The following MEGF10 variants were observed in gnomAD, a reference collection of about 807,000 sequenced individuals.
MEGF10 encodes multiple epidermal growth factor-like domains protein 10.
MEGF10 carries 86 observed loss-of-function variants against 147.5 expected under a neutral mutation model. That is an observed-to-expected ratio of 0.58 (90% CI 0.49 to 0.70). The LOEUF (loss-of-function observed/expected upper bound fraction) is 0.70. Ranked by LOEUF, MEGF10 falls within the 30% of genes least tolerant of loss-of-function variation. The pLI is 0.00. For synonymous variants in MEGF10, 478 were observed against 525.5 expected (o/e 0.91, Z 1.24); for missense variants, 1,329 against 1,487.3 (o/e 0.89, Z 1.75).
chr5:127,300,364 G>A (rs1272052820), intron 1 of MEGF10, among the ~76,000 whole-genome samples: 3 of 152,124 alleles, frequency 2.0e-5, no homozygotes, highest in Non-Finnish European at 2.9e-5. Context: ...TTTAAAAATA[G>A]GAAAGTTAAA....
chr5:127,411,447 GC>G (rs1423688251), intron 9 of MEGF10, among the ~76,000 whole-genome samples: 8 of 152,220 alleles, frequency 5.3e-5, no homozygotes, highest in Admixed American at 6.5e-5. Flanking sequence ...ATAACTCATA[GC>G]CACATCAAAT....
intron 1 of MEGF10, among the ~76,000 whole-genome samples, chr5:127,293,867 G>A (rs1188164942): frequency 1.3e-5 from 2 of 152,174 alleles, no homozygotes; most frequent in African/African-American, 4.8e-5. Context: ...CTGGCTTACA[G>A]CATAAAGTCT....
At chr5:127,347,823 T>A (rs1484762421) in intron 4 of MEGF10, among the ~76,000 whole-genome samples, 1 of 152,220 alleles carries the variant, frequency 6.6e-6, no homozygotes, top group East Asian at 1.9e-4. Context: ...ACCCTGCATG[T>A]GTAATGTCCC....
chr5:127,429,237 C>A (rs1263421497), intron 13 of MEGF10, among the ~76,000 whole-genome samples: 1 of 152,112 alleles, frequency 6.6e-6, no homozygotes, highest in Admixed American at 6.6e-5. Flanking sequence ...CATATAATTC[C>A]TTTATGGCCT....
rs535591097 is a variant in MEGF10 at position 127,417,966 on chromosome 5, T to C, written c.1305+154T>C. On this transcript the variant is annotated intron_variant, in intron 10 of 24. Coordinates refer to ENST00000503335, the MANE Select transcript of MEGF10 (RefSeq NM_001256545.2). ...GAGAAAATGAGGGGAAAAATGCTAA[T>C]AGAGATATAAGGAATTACCTTAGAA... is the stretch of plus-strand genomic sequence containing the variant. Among the ~76,000 whole-genome samples the C allele has an allele frequency of 2.0e-5, 3 of 152,286 alleles. No homozygotes were observed. In the South Asian group the frequency reaches 6.2e-4, roughly 32 times the overall value.
the MEGF10 span, among the ~76,000 whole-genome samples, chr5:127,275,718 G>C: frequency 6.6e-6 from 1 of 152,124 alleles, no homozygotes; most frequent in Non-Finnish European, 1.5e-5. Flanking sequence ...AAGTTTATAA[G>C]GTGGGCTGAG....
chr5:127,339,781 T>G (rs1761608427), intron 3 of MEGF10, among the ~76,000 whole-genome samples: 2 of 152,194 alleles, frequency 1.3e-5, no homozygotes, highest in East Asian at 1.9e-4. Context: ...ATCTGCTGAT[T>G]GTACTGCACT....
intron 19 of MEGF10, among the ~76,000 whole-genome samples, chr5:127,443,359 A>G (rs1440185313): frequency 1.3e-5 from 2 of 152,218 alleles, no homozygotes; most frequent in African/African-American, 2.4e-5. Flanking sequence ...CATAGCTAAT[A>G]CTAGAATATG....
chr5:127,383,950 T>C (rs1406662616), intron 5 of MEGF10, among the ~76,000 whole-genome samples: 1 of 152,216 alleles, frequency 6.6e-6, no homozygotes, highest in African/African-American at 2.4e-5. Flanking sequence ...GGGAAGTCAT[T>C]GAAAGCCTTT....
At position 127,402,257 on chromosome 5, in the gene MEGF10, A is replaced by G. The variant is rs544390371; in HGVS notation, c.781-289A>G. On this transcript the variant is annotated intron_variant, in intron 7 of 24. Transcript: ENST00000503335. The stretch of plus-strand genomic sequence containing the variant: ...TTAGGTTGCCATAATAATTTGATGT[A>G]ACTTTGTTTTAAACTTCAGTTTTTA... Among the ~76,000 whole-genome samples, 54 of 152,336 alleles carry G rather than the reference A, an allele frequency of 3.5e-4. 1 individual carries two copies. Among genetic ancestry groups the G allele is most frequent in the African/African-American group, 1.3e-3 (53 of 41,566 alleles).
intron 5 of MEGF10, among the ~76,000 whole-genome samples, chr5:127,371,566 C>T (rs1052852834): frequency 2.6e-5 from 4 of 152,042 alleles, no homozygotes; most frequent in Non-Finnish European, 5.9e-5. Context: ...GCCACTAATT[C>T]CAGGGCAAGA....
chr5:127,429,930 T>C (rs1765339990), intron 13 of MEGF10, among the ~76,000 whole-genome samples: 1 of 152,170 alleles, frequency 6.6e-6, no homozygotes, highest in Non-Finnish European at 1.5e-5. Flanking sequence ...CATGGCGCTC[T>C]TGGCTCAACT....
At chr5:127,324,507 C>T (rs1382119866) in intron 1 of MEGF10, among the ~76,000 whole-genome samples, 2 of 152,054 alleles carry the variant, frequency 1.3e-5, no homozygotes, top group African/African-American at 4.8e-5. Flanking sequence ...TCTCCCAGTC[C>T]TGCTGATTCT....
chr5:127,381,740 A>C (rs1324650467), intron 5 of MEGF10, among the ~76,000 whole-genome samples: 1 of 152,142 alleles, frequency 6.6e-6, no homozygotes, highest in Non-Finnish European at 1.5e-5. Flanking sequence ...GCGTGATCTC[A>C]ACTGACTGCA....
At chr5:127,260,393 A>T in the MEGF10 span, among the ~76,000 whole-genome samples, 1 of 152,086 alleles carries the variant, frequency 6.6e-6, no homozygotes, top group Non-Finnish European at 1.5e-5. Context: ...TCTCTTTTAT[A>T]TCTGGTTGGT....
chr5:127,330,834 C>CTG (rs528824841), intron 1 of MEGF10, among the ~76,000 whole-genome samples: 382 of 152,252 alleles, frequency 2.5e-3, no homozygotes, highest in African/African-American at 8.8e-3. Context: ...AAATGAATCT[C>CTG]AGATTGAGCC....
intron 1 of MEGF10, among the ~76,000 whole-genome samples, chr5:127,328,832 A>T (rs1187170028): frequency 6.6e-6 from 1 of 152,230 alleles, no homozygotes; most frequent in African/African-American, 2.4e-5. Context: ...GAAGGGAAAT[A>T]CTTCTCACAT....
chr5:127,257,307 T>TA, the MEGF10 span, among the ~76,000 whole-genome samples: 16,311 of 130,314 alleles, frequency 0.13, 1,033 homozygotes, highest in East Asian at 0.28. Flanking sequence ...TTCTTTTTAT[T>TA]AAAAAAAAAA....
At chr5:127,419,285 A>G (rs760247983) in intron 11 of MEGF10, 45 bp downstream of exon 11, 17 of 1,597,886 alleles carry the variant, frequency 1.1e-5, no homozygotes, top group Non-Finnish European at 1.3e-5. Context: ...TGGTCACGTT[A>G]TCTCCTAAAG....
Sources: allele counts gnomAD v4.1 joint callset (sites outside exome capture counted in the v4.1 genomes callset), GRCh38; gene constraint gnomAD v4.1.1; transcripts MANE v1.5; gene names NCBI Gene and HGNC (gene_info 2026-07-23, HGNC 2026-07-21).